Variants in MTUS2 observed in about 807,000 individuals in gnomAD.
MTUS2 encodes microtubule associated scaffold protein 2.
In MTUS2, 40 loss-of-function variants were observed where a neutral mutation model predicts 114.1. The ratio of observed to expected loss-of-function variants is 0.35; its 90% confidence interval spans 0.27 to 0.46. The LOEUF (loss-of-function observed/expected upper bound fraction) is 0.46, where lower values mean the gene tolerates loss of function less well. Ranked by LOEUF, MTUS2 falls within the 20% of genes least tolerant of loss-of-function variation. The probability of loss-of-function intolerance (pLI) is 1.00; values close to 1 mark genes in which losing one functional copy is unlikely to be tolerated. For synonymous variants in MTUS2, 688 were observed against 672.0 expected (o/e 1.02, Z -0.37); for missense variants, 1,679 against 1,705.4 (o/e 0.98, Z 0.27).
chr13:29,143,053 A>C (rs1892291647), intron 5 of MTUS2, among the ~76,000 whole-genome samples: 1 of 152,224 alleles, frequency 6.6e-6, no homozygotes, highest in South Asian at 2.1e-4. Context: ...TAACAAAGCC[A>C]ACATGTTTGT....
rs1879982504 is a variant in MTUS2, at chr13:28,906,005, T to G, written c.-243+66155T>G. Reference sequence around the variant, plus strand: ...TGGGAGGGTGTATGTGTCGAGGAATTTATCCATTTCTTTTAGTTTTTCTAG... The same window carrying G: ...TGGGAGGGTGTATGTGTCGAGGAATGTATCCATTTCTTTTAGTTTTTCTAG... On this transcript the variant is annotated intron_variant, in intron 2 of 15. Transcript: ENST00000612955. 2.0e-5 allele frequency among the ~76,000 whole-genome samples: 3 copies of G among 151,698 alleles called. No homozygotes were observed. In the East Asian group the frequency reaches 5.8e-4, roughly 29 times the overall value.
chr13:29,020,182 A>T (rs1314792075), intron 2 of MTUS2, among the ~76,000 whole-genome samples: 2 of 152,148 alleles, frequency 1.3e-5, no homozygotes. Context: ...ATTTTTTTCA[A>T]GATAAAATAT....
chr13:29,114,891 A>C (rs1474217888), intron 5 of MTUS2, among the ~76,000 whole-genome samples: 1 of 152,120 alleles, frequency 6.6e-6, no homozygotes, highest in African/African-American at 2.4e-5. Flanking sequence ...TAAACAGAAA[A>C]ATTTTTTAAG....
intron 2 of MTUS2, among the ~76,000 whole-genome samples, chr13:28,907,112 A>T (rs535901965): frequency 6.7e-6 from 1 of 149,882 alleles, no homozygotes; most frequent in Non-Finnish European, 1.5e-5. Flanking sequence ...ATTCTTAAAG[A>T]AAAGAATTTT....
chr13:29,272,392 A>G (rs1165044697), intron 5 of MTUS2, among the ~76,000 whole-genome samples: 1 of 152,190 alleles, frequency 6.6e-6, no homozygotes, highest in Non-Finnish European at 1.5e-5. Context: ...TTTGGCTATG[A>G]TGCCATCTTC....
At chr13:29,132,916 A>G (rs1055011630) in intron 5 of MTUS2, among the ~76,000 whole-genome samples, 1 of 152,112 alleles carries the variant, frequency 6.6e-6, no homozygotes, top group Non-Finnish European at 1.5e-5. Context: ...TTCTATTTTT[A>G]ATTTTTTGGG....
intron 9 of MTUS2, among the ~76,000 whole-genome samples, chr13:29,469,063 C>T (rs1009405321): frequency 1.3e-5 from 2 of 152,176 alleles, no homozygotes; most frequent in Non-Finnish European, 2.9e-5. Context: ...CAGAAAGGGG[C>T]TGAATACTGA....
At chr13:28,915,914 G>A (rs1880719883) in intron 2 of MTUS2, among the ~76,000 whole-genome samples, 1 of 151,832 alleles carries the variant, frequency 6.6e-6, no homozygotes, top group East Asian at 1.9e-4. Context: ...TCTTGTAGTA[G>A]TTTTATAGTT....
chr13:29,504,418 C>T lies in MTUS2; in HGVS notation c.*1212C>T, dbSNP rs776010495. On this transcript the variant is annotated 3_prime_UTR_variant, in exon 16 of 16. Coordinates refer to ENST00000612955, the MANE Select transcript of MTUS2 (RefSeq NM_001033602.4). Reference sequence around the variant, plus strand: ...GAAAAAAAAAACACCATTTCTGTCCCGGGGGACCAGTTCTGAGCTGTGCTA... The same window carrying T: ...GAAAAAAAAAACACCATTTCTGTCCTGGGGGACCAGTTCTGAGCTGTGCTA... 5 of 231,996 alleles carry T rather than the reference C, an allele frequency of 2.2e-5. No homozygotes were observed. Among genetic ancestry groups the T allele is most frequent in the African/African-American group, 4.4e-5 (2 of 45,088 alleles). 14.4% of individuals were successfully genotyped at this position (231,996 alleles called of 1,614,324 possible).
intron 2 of MTUS2, among the ~76,000 whole-genome samples, chr13:29,014,923 C>A (rs1188610727): frequency 6.6e-6 from 1 of 152,246 alleles, no homozygotes; most frequent in Non-Finnish European, 1.5e-5. Context: ...ATGGGAGATG[C>A]ATTCTGCATG....
At chr13:29,001,384 G>T (rs1885376451) in intron 2 of MTUS2, among the ~76,000 whole-genome samples, 1 of 152,104 alleles carries the variant, frequency 6.6e-6, no homozygotes, top group Admixed American at 6.6e-5. Context: ...GTCAGATGCT[G>T]GATCTATTTT....
Position 29,380,885 on chromosome 13 carries a change from C to T in MTUS2, c.3117+21412C>T, listed in dbSNP as rs1392903468. 1.2e-4 allele frequency among the ~76,000 whole-genome samples: 2 copies of T among 17,076 alleles called. 1 individual carries two copies. The highest frequency in any genetic ancestry group is 7.5e-4 in the Non-Finnish European group (2 of 2,664). The allele number at this position is 17,076 out of a possible 152,430, so 11.2% of individuals were successfully genotyped here. On this transcript the variant is annotated intron_variant, in intron 8 of 15. Coordinates refer to ENST00000612955, the MANE Select transcript of MTUS2 (RefSeq NM_001033602.4). ...GAGCCGAGATTGCGCCACTGCAGTC[C>T]GCAGTCTGGCCTGGGCGACAGAGCG...
At chr13:29,253,257 C>T (rs1323371530) in intron 5 of MTUS2, among the ~76,000 whole-genome samples, 3 of 151,838 alleles carry the variant, frequency 2.0e-5, no homozygotes, top group African/African-American at 7.3e-5. Context: ...GAAACCCTGT[C>T]TCTACTAAAA....
intron 5 of MTUS2, among the ~76,000 whole-genome samples, chr13:29,254,906 T>TGCTTTCTC (rs1209610699): frequency 6.6e-6 from 1 of 152,244 alleles, no homozygotes; most frequent in Non-Finnish European, 1.5e-5. Flanking sequence ...CTTGCTTTTT[T>TGCTTTCTC]GCTTTCTCAT....
In MTUS2 at chr13:28,985,563, T is replaced by G. The variant is rs1346745016; in HGVS notation, c.-242-38894T>G. Among the ~76,000 whole-genome samples the G allele has an allele frequency of 2.1e-5, 3 of 141,446 alleles. No homozygotes were observed. In the South Asian group the frequency reaches 6.5e-4, roughly 31 times the overall value. 92.8% of individuals were successfully genotyped at this position (141,446 alleles called of 152,430 possible). ...TAGCAATCGAAGAAATGGTATTCTTTTTTTTTTTTTTTTAAAAAGCTTTAT... is the reference window on the plus strand; with the variant it reads ...TAGCAATCGAAGAAATGGTATTCTTGTTTTTTTTTTTTTAAAAAGCTTTAT... On this transcript the variant is annotated intron_variant, in intron 2 of 15. Coordinates refer to ENST00000612955, the MANE Select transcript of MTUS2 (RefSeq NM_001033602.4).
At chr13:29,203,453 G>C (rs79747354) in intron 5 of MTUS2, among the ~76,000 whole-genome samples, 1 of 152,198 alleles carries the variant, frequency 6.6e-6, no homozygotes, top group South Asian at 2.1e-4. Flanking sequence ...TGGGCTCCGT[G>C]GGGGTGGGTC....
intron 2 of MTUS2, among the ~76,000 whole-genome samples, chr13:28,919,995 G>A (rs549875347): frequency 1.3e-5 from 2 of 152,216 alleles, no homozygotes; most frequent in South Asian, 2.1e-4. Context: ...ATTTCTTTGA[G>A]TTTCCTCAAC....
intron 5 of MTUS2, among the ~76,000 whole-genome samples, chr13:29,146,650 A>G (rs1052755388): frequency 1.4e-4 from 22 of 152,220 alleles, no homozygotes; most frequent in Admixed American, 1.3e-3. Flanking sequence ...TAAATAAATT[A>G]TCCAACAAGA....
chr13:29,063,688 T>A (rs973016698), intron 4 of MTUS2, among the ~76,000 whole-genome samples: 2 of 152,176 alleles, frequency 1.3e-5, no homozygotes, highest in African/African-American at 4.8e-5. Context: ...GTAAACTTGA[T>A]TGGAACAATC....
Sources: allele counts gnomAD v4.1 joint callset (sites outside exome capture counted in the v4.1 genomes callset), GRCh38; gene constraint gnomAD v4.1.1; transcripts MANE v1.5; gene names NCBI Gene and HGNC (gene_info 2026-07-23, HGNC 2026-07-21).